Variants in EXOC4 observed in about 807,000 individuals in gnomAD.
EXOC4 encodes exocyst complex component 4, also known as SEC8-like 1.
Under a neutral mutation model 107.2 loss-of-function variants are expected in EXOC4, and 71 were observed. That is an observed-to-expected ratio of 0.66 (90% CI 0.55 to 0.81). The LOEUF is 0.81. Among genes scored for constraint, EXOC4 ranks in the 30% least tolerant of loss-of-function variants. The probability of loss-of-function intolerance (pLI) is 0.00; values close to 1 mark genes in which losing one functional copy is unlikely to be tolerated. For synonymous variants in EXOC4, 456 were observed against 441.2 expected, an observed-to-expected ratio of 1.03 and a Z score of -0.42; for missense variants, 1,108 against 1,189.6, an observed-to-expected ratio of 0.93 and a Z score of 1.01.
intron 7 of EXOC4, among the ~76,000 whole-genome samples, chr7:133,474,013 C>G (rs1798948602): frequency 1.3e-5 from 2 of 151,774 alleles, no homozygotes; most frequent in Non-Finnish European, 2.9e-5. Flanking sequence ...TGGCCTGGGT[C>G]TTGTTTTTTA....
intron 9 of EXOC4, among the ~76,000 whole-genome samples, chr7:133,594,604 C>T (rs1801623554): frequency 6.9e-6 from 1 of 143,888 alleles, no homozygotes; most frequent in African/African-American, 2.6e-5. Flanking sequence ...AGCGATTCTC[C>T]TGCCTCAGCC....
chr7:133,445,244 A>C (rs1490686926), intron 7 of EXOC4, among the ~76,000 whole-genome samples: 1 of 152,222 alleles, frequency 6.6e-6, no homozygotes, highest in Non-Finnish European at 1.5e-5. Flanking sequence ...AGATTTATTA[A>C]GAGTCCCTGA....
chr7:133,261,101 G>A (rs1323995163), intron 1 of EXOC4, among the ~76,000 whole-genome samples: 1 of 151,882 alleles, frequency 6.6e-6, no homozygotes, highest in African/African-American at 2.4e-5. Flanking sequence ...TCTTTTTCAT[G>A]TCTCTGCTTA....
At chr7:133,419,365 C>T (rs1004937540) in intron 7 of EXOC4, among the ~76,000 whole-genome samples, 7 of 152,052 alleles carry the variant, frequency 4.6e-5, no homozygotes, top group African/African-American at 7.2e-5. Flanking sequence ...TGAAGGAAGA[C>T]GTTTGAAATG....
chr7:133,606,510 T>A lies in EXOC4; in HGVS notation c.1418-23535T>A, dbSNP rs542562985. 2.1e-5 allele frequency among the ~76,000 whole-genome samples: 3 copies of A among 143,596 alleles called. No homozygotes were observed. The East Asian group carries it at 5.9e-4, about 28-fold the overall frequency. The allele number at this position is 143,596 out of a possible 152,430, so 94.2% of individuals were successfully genotyped here. A position where few individuals can be genotyped will look rare whatever the true frequency, so the allele number is the denominator to read the frequency against. ...CTTTGCTGCTGTTTATTATTATTATTATTATTATTTTTTTTTTTTTTTGAG... is the reference window on the plus strand; with the variant it reads ...CTTTGCTGCTGTTTATTATTATTATAATTATTATTTTTTTTTTTTTTTGAG... On this transcript the variant is annotated intron_variant, in intron 9 of 17. Coordinates refer to ENST00000253861, the MANE Select transcript of EXOC4 (RefSeq NM_021807.4).
rs531702001 is a variant in EXOC4 at position 133,409,796 on chromosome 7, C to G, written c.1182+34794C>G. Among the ~76,000 whole-genome samples the G allele has an allele frequency of 5.3e-5, 8 of 152,198 alleles. No individual in the cohort carries two copies. In the South Asian group the frequency reaches 1.7e-3, roughly 32 times the overall value. Reference sequence around the variant, plus strand: ...TTGGGAAATACTCTCCTCTTCATAGCTCTGAGTTAGTTAGCCTTATAGGAC... The same window carrying G: ...TTGGGAAATACTCTCCTCTTCATAGGTCTGAGTTAGTTAGCCTTATAGGAC... On this transcript the variant is annotated intron_variant, in intron 7 of 17. Coordinates refer to ENST00000253861, the MANE Select transcript of EXOC4 (RefSeq NM_021807.4).
chr7:133,820,310 A>G (rs1797487702), intron 11 of EXOC4, among the ~76,000 whole-genome samples: 1 of 151,888 alleles, frequency 6.6e-6, no homozygotes, highest in African/African-American at 2.4e-5. Flanking sequence ...AAACAAGGAG[A>G]TGGTTATTTT....
chr7:133,579,686 CT>C (rs11368284), intron 9 of EXOC4, among the ~76,000 whole-genome samples: 83,548 of 139,702 alleles, frequency 0.6, 25,301 homozygotes, highest in South Asian at 0.72. Context: ...CACAACTTTA[CT>C]TTTTTTTTTT....
At chr7:133,608,849 A>G (rs1802014138) in intron 9 of EXOC4, among the ~76,000 whole-genome samples, 1 of 151,908 alleles carries the variant, frequency 6.6e-6, no homozygotes. Flanking sequence ...CCCCAACCTT[A>G]ACCGGTGTAT....
chr7:133,821,446 A>G (rs576474551), intron 11 of EXOC4, among the ~76,000 whole-genome samples: 8 of 152,338 alleles, frequency 5.3e-5, no homozygotes, highest in Admixed American at 3.9e-4. Context: ...CCAGTCTGCT[A>G]TGAGACGTAG....
At chr7:133,625,145 T>G (rs1563131135) in intron 9 of EXOC4, among the ~76,000 whole-genome samples, 2 of 152,198 alleles carry the variant, frequency 1.3e-5, no homozygotes, top group Non-Finnish European at 1.5e-5. Context: ...TTGCCTAAAG[T>G]AACAAGAACA....
intron 10 of EXOC4, among the ~76,000 whole-genome samples, chr7:133,740,011 A>G (rs1425806101): frequency 6.6e-6 from 1 of 152,114 alleles, no homozygotes. Context: ...AGAGTAAAGA[A>G]ATGAAGATAT....
chr7:133,648,177 T>A (rs1410553277), intron 10 of EXOC4, among the ~76,000 whole-genome samples: 1 of 152,234 alleles, frequency 6.6e-6, no homozygotes, highest in East Asian at 1.9e-4. Flanking sequence ...AGAAAATTGA[T>A]CTGCACAGAT....
chr7:134,017,601 A>T (rs905256575), intron 17 of EXOC4, among the ~76,000 whole-genome samples: 1 of 151,976 alleles, frequency 6.6e-6, no homozygotes. Flanking sequence ...CCCTTTTTTT[A>T]CATTTACATT....
chr7:133,491,123 A>T (rs1397316792), intron 9 of EXOC4, among the ~76,000 whole-genome samples: 1 of 152,178 alleles, frequency 6.6e-6, no homozygotes, highest in Non-Finnish European at 1.5e-5. Flanking sequence ...GTGGATGAAA[A>T]TATGCATTAA....
At chr7:133,412,172 C>G (rs1275668099) in intron 7 of EXOC4, among the ~76,000 whole-genome samples, 1 of 149,510 alleles carries the variant, frequency 6.7e-6, no homozygotes, top group Non-Finnish European at 1.5e-5. Flanking sequence ...ACTGCTGGGT[C>G]AAAGTTAGTC....
At chr7:134,069,118 T>A (rs1418092854), downstream of EXOC4, among the ~76,000 whole-genome samples, 1 of 152,160 alleles carries the variant, frequency 6.6e-6, no homozygotes, top group Admixed American at 6.5e-5. Flanking sequence ...TGCACTCTCT[T>A]CTGAGCTTTG....
intron 11 of EXOC4, among the ~76,000 whole-genome samples, chr7:133,832,109 A>G (rs935656551): frequency 6.6e-5 from 10 of 152,252 alleles, no homozygotes; most frequent in African/African-American, 2.2e-4. Context: ...CCTTGTGGGA[A>G]ACAACTTTAT....
intron 11 of EXOC4, among the ~76,000 whole-genome samples, chr7:133,839,825 C>T (rs1355580976): frequency 1.3e-5 from 2 of 152,144 alleles, no homozygotes; most frequent in Non-Finnish European, 1.5e-5. Flanking sequence ...TCTAACAGTT[C>T]ATGCACTTAT....
Sources: gnomAD v4.1 joint callset for allele counts (sites outside exome capture counted in the v4.1 genomes callset) on GRCh38, gnomAD v4.1.1 for gene constraint, MANE v1.5 for transcripts, NCBI Gene and HGNC (gene_info 2026-07-23, HGNC 2026-07-21) for gene names.